DGKI: variants seen among roughly 807,000 people sequenced by gnomAD.
DGKI encodes the protein diacylglycerol kinase iota.
DGKI carries 55 observed loss-of-function variants against 147.5 expected under a neutral mutation model. The ratio of observed to expected loss-of-function variants is 0.37; its 90% CI spans 0.30 to 0.47. DGKI has a LOEUF of 0.47. DGKI is among the 20% of genes least tolerant of loss of function. The pLI, the probability that DGKI is intolerant of heterozygous loss-of-function variation, is 1.00. For missense variants in DGKI, 1,007 were observed against 1,323.8 expected, an observed-to-expected ratio of 0.76 and a Z score of 3.71; for synonymous variants, 469 against 477.1, an observed-to-expected ratio of 0.98 and a Z score of 0.22.
intron 3 of DGKI, among the ~76,000 whole-genome samples, chr7:137,670,087 T>C (rs988991641): frequency 1.1e-4 from 16 of 152,202 alleles, no homozygotes; most frequent in African/African-American, 3.9e-4. Flanking sequence ...ATTAAAGTCA[T>C]TCAGTGTTTT....
intron 17 of DGKI, among the ~76,000 whole-genome samples, chr7:137,573,043 C>T (rs1818846550): frequency 6.6e-6 from 1 of 152,090 alleles, no homozygotes; most frequent in South Asian, 2.1e-4. Flanking sequence ...GTTTTGTTCG[C>T]ACTTAAGGTA....
chr7:137,787,989 G>A (rs1484340936), intron 1 of DGKI, among the ~76,000 whole-genome samples: 2 of 151,856 alleles, frequency 1.3e-5, no homozygotes, highest in African/African-American at 4.8e-5. Flanking sequence ...CACCCCTAAA[G>A]AACTTATTCA....
chr7:137,846,598 G>A lies in DGKI; in HGVS notation c.265C>T (p.Pro89Ser). Residue 89 changes from proline to serine, a missense_variant, in exon 1 of 33, where the codon CCG (proline) becomes TCG (serine). This residue lies in a region of DGKI where 137 missense variants were observed against 114.4 expected (regional missense o/e 1.20). Coordinates refer to ENST00000614521, the MANE Select transcript of DGKI (RefSeq NM_001321708.2). The surrounding 1 kb of genome is among the most constrained non-coding windows in gnomAD (Gnocchi z 4.0). Reference sequence around the variant, plus strand: ...GCCGCGGCTGACCCTGCGCCCCGCGGGTCCGCGCCGCCCTCGGCGCCCAGG... The same window carrying A: ...GCCGCGGCTGACCCTGCGCCCCGCGAGTCCGCGCCGCCCTCGGCGCCCAGG... ...CCLGAEGGAD[P>S]RGAGSAAAAG... 1.8e-6 allele frequency: 2 copies of A among 1,130,838 alleles called. No homozygotes were observed. Among genetic ancestry groups the A allele is most frequent in the Non-Finnish European group, 2.2e-6 (2 of 928,130 alleles). 70.1% of individuals were successfully genotyped at this position (1,130,838 alleles called of 1,614,324 possible).
At chr7:137,588,990 C>G (rs931944366) in intron 12 of DGKI, among the ~76,000 whole-genome samples, 7 of 152,134 alleles carry the variant, frequency 4.6e-5, no homozygotes, top group African/African-American at 1.7e-4. Context: ...ATGCCTAATG[C>G]CAGTGGCCAA....
chr7:137,543,253 G>T (rs1817760994), intron 20 of DGKI, among the ~76,000 whole-genome samples: 1 of 152,082 alleles, frequency 6.6e-6, no homozygotes, highest in South Asian at 2.1e-4. Flanking sequence ...CAATTATAAA[G>T]AATTTATTAA....
intron 1 of DGKI, among the ~76,000 whole-genome samples, chr7:137,805,130 G>A (rs765783614): frequency 3.3e-5 from 5 of 152,160 alleles, no homozygotes; most frequent in Non-Finnish European, 7.4e-5. Context: ...GTTTTTAAAA[G>A]ATAATTTCTC....
intron 8 of DGKI, among the ~76,000 whole-genome samples, chr7:137,611,244 G>T (rs983662684): frequency 1.3e-5 from 2 of 152,150 alleles, no homozygotes; most frequent in African/African-American, 4.8e-5. Flanking sequence ...AAACCACGAG[G>T]CTGGCAGGAA....
intron 7 of DGKI, among the ~76,000 whole-genome samples, chr7:137,620,727 T>G (rs1185726785): frequency 2.0e-5 from 3 of 152,206 alleles, no homozygotes; most frequent in Non-Finnish European, 4.4e-5. Flanking sequence ...ACAGTGACAC[T>G]CAGACTGGTG....
chr7:137,494,164 G>T (rs1815876585), intron 21 of DGKI, among the ~76,000 whole-genome samples: 1 of 152,066 alleles, frequency 6.6e-6, no homozygotes, highest in Admixed American at 6.6e-5. Flanking sequence ...GAGAAATATG[G>T]GATTATTTAA....
chr7:137,822,174 A>AGGC (rs1797925341), intron 1 of DGKI, among the ~76,000 whole-genome samples: 1 of 152,204 alleles, frequency 6.6e-6, no homozygotes, highest in Non-Finnish European at 1.5e-5. Flanking sequence ...TGGGAGGCTG[A>AGGC]GGCGGTTGGA....
At chr7:137,630,376 G>A (rs976973013) in intron 6 of DGKI, among the ~76,000 whole-genome samples, 1 of 152,106 alleles carries the variant, frequency 6.6e-6, no homozygotes, top group African/African-American at 2.4e-5. Flanking sequence ...CCATCATCCT[G>A]AGAAAGGTTT....
intron 3 of DGKI, among the ~76,000 whole-genome samples, chr7:137,660,082 C>T (rs181563392): frequency 1.3e-5 from 2 of 152,222 alleles, no homozygotes; most frequent in East Asian, 3.9e-4. Context: ...CAATAATTTG[C>T]TCTCATCAAT....
chr7:137,709,781 T>G (rs77667791), intron 1 of DGKI, among the ~76,000 whole-genome samples: 5,417 of 152,044 alleles, frequency 0.036, 301 homozygotes, highest in African/African-American at 0.12. Context: ...AAACTGAAAT[T>G]ATCATAAATA....
chr7:137,693,961 G>C (rs1823695553), intron 1 of DGKI, among the ~76,000 whole-genome samples: 1 of 152,204 alleles, frequency 6.6e-6, no homozygotes, highest in Non-Finnish European at 1.5e-5. Flanking sequence ...GCATATGATA[G>C]TGTTAATATT....
intron 6 of DGKI, among the ~76,000 whole-genome samples, chr7:137,633,016 C>A (rs1448534663): frequency 6.6e-6 from 1 of 152,028 alleles, no homozygotes; most frequent in East Asian, 1.9e-4. Context: ...TGTTCAAGAC[C>A]AGACTGACCA....
At chr7:137,686,713 A>AT (rs1244620623) in intron 2 of DGKI, among the ~76,000 whole-genome samples, 1 of 152,228 alleles carries the variant, frequency 6.6e-6, no homozygotes, top group Admixed American at 6.5e-5. Context: ...CCTGGCCAAG[A>AT]AGTGCAGGTG....
At chr7:137,672,265 T>C (rs1309063165) in intron 3 of DGKI, among the ~76,000 whole-genome samples, 3 of 152,156 alleles carry the variant, frequency 2.0e-5, no homozygotes. Context: ...CTATATTAGG[T>C]TCCTAGCACT....
chr7:137,528,017 C>A (rs1817212159), intron 20 of DGKI, among the ~76,000 whole-genome samples: 1 of 152,148 alleles, frequency 6.6e-6, no homozygotes, highest in African/African-American at 2.4e-5. Flanking sequence ...TAGAACAATG[C>A]CTGGTCCATG....
chr7:137,474,350 T>C lies in DGKI; in HGVS notation c.2374-4731A>G, dbSNP rs77792262. Among the ~76,000 whole-genome samples the C allele has an allele frequency of 9.0e-3, 1,376 of 152,296 alleles. 83 individuals carry two copies. Among genetic ancestry groups the C allele is most frequent in the Admixed American group, 0.075 (1,154 of 15,288 alleles). On this transcript the variant is annotated intron_variant, in intron 23 of 32. Coordinates refer to ENST00000614521, the MANE Select transcript of DGKI (RefSeq NM_001321708.2). ...TTTTTTGAAGTCAATGTTAAAATGA[T>C]GTTCCAACATAACAGATTGACAATA...
Sources: allele counts gnomAD v4.1 joint callset (sites outside exome capture counted in the v4.1 genomes callset), GRCh38; gene constraint gnomAD v4.1.1; regional missense constraint gnomAD v4.1.1; non-coding constraint Gnocchi (gnomAD v3.1); transcripts MANE v1.5; gene names NCBI Gene and HGNC (gene_info 2026-07-23, HGNC 2026-07-21).